SLC44A5: variants seen among roughly 807,000 people sequenced by gnomAD.
SLC44A5 encodes choline transporter-like protein 5.
Under a neutral mutation model 101.8 loss-of-function variants are expected in SLC44A5, and 57 were observed. The observed-to-expected ratio is 0.56, with a 90% CI of 0.45 to 0.70. The LOEUF is 0.70. SLC44A5 is among the 30% of genes least tolerant of loss of function. SLC44A5 has a pLI of 0.00. For synonymous variants in SLC44A5, 281 were observed against 290.9 expected, an observed-to-expected ratio of 0.97 and a Z score of 0.35; for missense variants, 737 against 853.1, an observed-to-expected ratio of 0.86 and a Z score of 1.70.
At chr1:75,349,974 A>G (rs1658521715) in intron 3 of SLC44A5, among the ~76,000 whole-genome samples, 1 of 152,152 alleles carries the variant, frequency 6.6e-6, no homozygotes, top group Non-Finnish European at 1.5e-5. Context: ...AAAGGAAAAT[A>G]AACATAGACC....
intron 1 of SLC44A5, among the ~76,000 whole-genome samples, chr1:75,544,014 G>A (rs148712276): frequency 7.2e-5 from 11 of 152,240 alleles, no homozygotes; most frequent in Admixed American, 7.2e-4. Flanking sequence ...TTACAGAAGA[G>A]TTGGAAAATG....
At chr1:75,313,937 T>A (rs1356910172) in intron 4 of SLC44A5, among the ~76,000 whole-genome samples, 7 of 152,194 alleles carry the variant, frequency 4.6e-5, no homozygotes, top group Non-Finnish European at 1.5e-5. Flanking sequence ...CTTGCTAACA[T>A]CTGTTTGAAT....
chr1:75,304,528 C>T (rs546115974), intron 4 of SLC44A5, among the ~76,000 whole-genome samples: 10 of 152,216 alleles, frequency 6.6e-5, no homozygotes, highest in East Asian at 1.9e-4. Flanking sequence ...ATGTGTTAGA[C>T]GTTGTAGTGC....
In SLC44A5 at chr1:75,237,076, T is replaced by C. The variant is rs369351227; in HGVS notation, c.657-6A>G. 6.4e-7 allele frequency: 1 copy of C among 1,569,050 alleles called. No individual in the cohort carries two copies. Among genetic ancestry groups the C allele is most frequent in the African/African-American group, 1.3e-5 (1 of 74,212 alleles). On this transcript the variant is annotated splice_polypyrimidine_tract_variant and splice_region_variant and intron_variant, in intron 10 of 23. Transcript: ENST00000370859. ...CAAGAAGTTTATTGATACCACTGCA[T>C]TGAAAGAAGGGAAAAAATCAATTAT...
intron 4 of SLC44A5, among the ~76,000 whole-genome samples, chr1:75,329,322 C>T (rs964387484): frequency 2.4e-4 from 37 of 152,246 alleles, no homozygotes; most frequent in African/African-American, 8.2e-4. Context: ...CATCTGACCC[C>T]AAGAACCCAA....
intron 4 of SLC44A5, chr1:75,311,653 G>T: frequency 1.4e-6 from 1 of 728,862 alleles, no homozygotes; most frequent in African/African-American, 1.9e-5. Context: ...GCTATGAAAC[G>T]TTGGTGAACC....
chr1:75,426,706 C>T (rs1664329445), intron 2 of SLC44A5, among the ~76,000 whole-genome samples: 1 of 152,218 alleles, frequency 6.6e-6, no homozygotes, highest in African/African-American at 2.4e-5. Context: ...ACTCACTTTC[C>T]TAAGCTCTTT....
intron 7 of SLC44A5, among the ~76,000 whole-genome samples, chr1:75,248,973 T>C (rs963072003): frequency 2.2e-4 from 34 of 152,032 alleles, no homozygotes; most frequent in Middle Eastern, 3.2e-3. Flanking sequence ...TGGGTTAGGA[T>C]CAGTGGTTTG....
intron 4 of SLC44A5, among the ~76,000 whole-genome samples, chr1:75,330,745 G>A (rs1656989443): frequency 6.6e-6 from 1 of 151,956 alleles, no homozygotes; most frequent in Admixed American, 6.6e-5. Flanking sequence ...ATCTCTACTA[G>A]ATTCACCTCA....
intron 2 of SLC44A5, among the ~76,000 whole-genome samples, chr1:75,479,892 C>G (rs1285780935): frequency 1.3e-5 from 2 of 152,222 alleles, no homozygotes; most frequent in Non-Finnish European, 2.9e-5. Context: ...TCCTCCCTAA[C>G]TCATTTGAGG....
chr1:75,367,119 T>C (rs1343049024), intron 3 of SLC44A5, among the ~76,000 whole-genome samples: 8 of 152,210 alleles, frequency 5.3e-5, no homozygotes, highest in Admixed American at 3.9e-4. Context: ...TAGCCTTGCA[T>C]TGGTAGCTGA....
At chr1:75,265,071 C>G (rs1244623227) in intron 6 of SLC44A5, among the ~76,000 whole-genome samples, 1 of 151,940 alleles carries the variant, frequency 6.6e-6, no homozygotes, top group Non-Finnish European at 1.5e-5. Flanking sequence ...ATAGAAAAAC[C>G]AAACAGACCA....
chr1:75,534,734 T>C (rs547881681), intron 2 of SLC44A5, among the ~76,000 whole-genome samples: 6 of 152,270 alleles, frequency 3.9e-5, no homozygotes, highest in Non-Finnish European at 8.8e-5. Flanking sequence ...ATCAACTTTT[T>C]AAAGGTGACT....
chr1:75,480,986 C>T (rs945703634), intron 2 of SLC44A5, among the ~76,000 whole-genome samples: 2 of 152,170 alleles, frequency 1.3e-5, no homozygotes, highest in African/African-American at 4.8e-5. Context: ...AGGCATCACA[C>T]TACCTGACTT....
chr1:75,478,693 A>G (rs1242034579), intron 2 of SLC44A5, among the ~76,000 whole-genome samples: 1 of 152,230 alleles, frequency 6.6e-6, no homozygotes, highest in Admixed American at 6.5e-5. Context: ...ATTCAACAAG[A>G]AGAGCTAACT....
intron 3 of SLC44A5, among the ~76,000 whole-genome samples, chr1:75,364,365 T>C (rs994637055): frequency 6.6e-6 from 1 of 152,148 alleles, no homozygotes; most frequent in Non-Finnish European, 1.5e-5. Flanking sequence ...GAACATCACA[T>C]GGCCAGAGCA....
the SLC44A5 span, among the ~76,000 whole-genome samples, chr1:75,653,726 A>G: frequency 6.6e-6 from 1 of 152,206 alleles, no homozygotes; most frequent in Non-Finnish European, 1.5e-5. Context: ...TCTCTACAGA[A>G]GAGAAAAAGA....
intron 4 of SLC44A5, among the ~76,000 whole-genome samples, chr1:75,326,611 G>C (rs188913678): frequency 1.3e-5 from 2 of 152,196 alleles, no homozygotes; most frequent in African/African-American, 4.8e-5. Flanking sequence ...AAAACCAAGA[G>C]TGTTTAACAA....
the SLC44A5 span, among the ~76,000 whole-genome samples, chr1:75,688,102 T>C: frequency 6.6e-6 from 1 of 151,970 alleles, no homozygotes; most frequent in African/African-American, 2.4e-5. Context: ...CAAATGGAGG[T>C]GGAAAGGTTT....
Sources: allele counts gnomAD v4.1 joint callset (sites outside exome capture counted in the v4.1 genomes callset), GRCh38; gene constraint gnomAD v4.1.1; transcripts MANE v1.5; gene names NCBI Gene and HGNC (gene_info 2026-07-23, HGNC 2026-07-21).